Variants in ZFHX3 observed in about 807,000 individuals in gnomAD.
ZFHX3 encodes the protein zinc finger homeobox 3, also known as zinc finger homeobox protein 3.
Under a neutral mutation model 279.1 loss-of-function variants are expected in ZFHX3, and 42 were observed. The observed-to-expected ratio is 0.15, with a 90% CI of 0.12 to 0.19. ZFHX3 has a LOEUF of 0.19. Ranked by LOEUF, ZFHX3 falls within the 10% of genes least tolerant of loss-of-function variation. The probability of loss-of-function intolerance (pLI) is 1.00; values close to 1 mark genes in which losing one functional copy is unlikely to be tolerated. For missense variants in ZFHX3, 4,981 were observed against 4,754.0 expected (o/e 1.05, Z -1.40); for synonymous variants, 2,293 against 1,957.8 (o/e 1.17, Z -4.52).
chr16:73,601,926 G>C (rs2052122574), intron 2 of ZFHX3, among the ~76,000 whole-genome samples: 2 of 152,204 alleles, frequency 1.3e-5, no homozygotes, highest in African/African-American at 4.8e-5. Flanking sequence ...AACTTCAGGA[G>C]AGAGGAAGGG....
chr16:72,845,045 G>A (rs1054085911), intron 4 of ZFHX3, among the ~76,000 whole-genome samples: 4 of 152,192 alleles, frequency 2.6e-5, no homozygotes, highest in African/African-American at 4.8e-5. Context: ...TGAGGGGAAC[G>A]AGGGAGGCCC....
chr16:73,189,556 C>A (rs1443779507), intron 5 of ZFHX3, among the ~76,000 whole-genome samples: 1 of 152,172 alleles, frequency 6.6e-6, no homozygotes, highest in East Asian at 1.9e-4. Context: ...AAGATTGATT[C>A]TGAGGCAGAC....
intron 3 of ZFHX3, among the ~76,000 whole-genome samples, chr16:73,352,456 T>TTC (rs561312963): frequency 1.3e-4 from 18 of 134,376 alleles, no homozygotes; most frequent in East Asian, 3.9e-4. Flanking sequence ...AGCCTTTGGT[T>TTC]TCTCTCTCTC....
chr16:72,829,759 C>G lies in ZFHX3; in HGVS notation c.3529+20G>C. The G allele has an allele frequency of 6.2e-7, 1 of 1,614,064 alleles. No homozygotes were observed. Among genetic ancestry groups the G allele is most frequent in the Middle Eastern group, 1.7e-4 (1 of 6,042 alleles). On this transcript the variant is annotated intron_variant, in intron 5 of 9. Coordinates refer to ENST00000268489, the MANE Select transcript of ZFHX3 (RefSeq NM_006885.4). ...GACAGCCACACACACTACCTGTCCA[C>G]TTGCCCTGGTCTTTCTCACCTCCGC... is the stretch of plus-strand genomic sequence containing the variant.
At chr16:73,687,728 G>A (rs1431646177) in intron 1 of ZFHX3, among the ~76,000 whole-genome samples, 1 of 150,976 alleles carries the variant, frequency 6.6e-6, no homozygotes, top group East Asian at 2.0e-4. Context: ...CATGCCTGTA[G>A]TCCCAGCTAC....
intron 1 of ZFHX3, among the ~76,000 whole-genome samples, chr16:73,857,392 A>C (rs545211975): frequency 6.6e-6 from 1 of 152,348 alleles, no homozygotes; most frequent in African/African-American, 2.4e-5. Context: ...GTGATTGTTT[A>C]TAAAGACTCC....
chr16:73,390,753 T>C (rs1279966509), intron 3 of ZFHX3, among the ~76,000 whole-genome samples: 3 of 152,162 alleles, frequency 2.0e-5, no homozygotes, highest in East Asian at 1.9e-4. Flanking sequence ...CTTTCATCAA[T>C]GAAAGGAGAT....
intron 1 of ZFHX3, among the ~76,000 whole-genome samples, chr16:73,763,245 G>C (rs560202760): frequency 1.5e-4 from 23 of 152,278 alleles, no homozygotes; most frequent in African/African-American, 5.3e-4. Flanking sequence ...AGGCCTTGGA[G>C]AAGGCTGACA....
chr16:73,103,288 C>A (rs999532132), intron 7 of ZFHX3, among the ~76,000 whole-genome samples: 1 of 152,076 alleles, frequency 6.6e-6, no homozygotes, highest in African/African-American at 2.4e-5. Flanking sequence ...AAATCCTGGG[C>A]CGTGAGTATC....
At chr16:73,155,880 A>G (rs994465580) in intron 5 of ZFHX3, among the ~76,000 whole-genome samples, 1 of 152,024 alleles carries the variant, frequency 6.6e-6, no homozygotes, top group Admixed American at 6.6e-5. Context: ...GACACATGTC[A>G]TTATATATAG....
chr16:72,960,336 G>C, intron 1 of ZFHX3, 142 bp from the exon 2 acceptor site: 1 of 621,770 alleles, frequency 1.6e-6, no homozygotes, highest in Non-Finnish European at 2.5e-6. Context: ...ACACAGGGCG[G>C]AGGGCGGGCC....
Position 72,796,059 on chromosome 16 carries a change from G to T in ZFHX3, c.6623C>A (p.Pro2208His), listed in dbSNP as rs1286503363. The part of the protein sequence containing the change: ...FKERQRNKDS[P>H]YNFSNPPITS... Reference sequence around the variant, plus strand: ...GATAGGAGGATTACTGAAGTTGTAAGGGGAGTCCTTGTTACGCTGCCTCTC... The same window carrying T: ...GATAGGAGGATTACTGAAGTTGTAATGGGAGTCCTTGTTACGCTGCCTCTC... The change falls in exon 9 of 10, where the codon CCT becomes CAT. Residue 2208 changes from proline to histidine, a missense_variant. Physicochemically the swap from Pro to His is moderately conservative, Grantham distance 77 (BLOSUM62 -2). Coordinates refer to ENST00000268489, the MANE Select transcript of ZFHX3 (RefSeq NM_006885.4). The T allele has an allele frequency of 6.2e-7, 1 of 1,614,206 alleles. No homozygotes were observed. The highest frequency in any genetic ancestry group is 1.7e-5 in the Admixed American group (1 of 60,034).
At chr16:73,542,511 C>A (rs574105143) in intron 2 of ZFHX3, among the ~76,000 whole-genome samples, 1 of 152,054 alleles carries the variant, frequency 6.6e-6, no homozygotes, top group African/African-American at 2.4e-5. Context: ...TACAGGGTAA[C>A]CTCTCATTTT....
At chr16:73,350,601 G>A (rs2016221693) in intron 3 of ZFHX3, among the ~76,000 whole-genome samples, 1 of 152,240 alleles carries the variant, frequency 6.6e-6, no homozygotes, top group African/African-American at 2.4e-5. Context: ...AGACTCAACT[G>A]AGAGAGTTGG....
intron 2 of ZFHX3, among the ~76,000 whole-genome samples, chr16:73,616,618 A>T (rs2052304972): frequency 6.6e-6 from 1 of 151,988 alleles, no homozygotes; most frequent in Admixed American, 6.6e-5. Flanking sequence ...GTGTGTACAT[A>T]TATGCACATG....
At chr16:73,381,324 C>A (rs929516471) in intron 3 of ZFHX3, among the ~76,000 whole-genome samples, 1 of 151,964 alleles carries the variant, frequency 6.6e-6, no homozygotes, top group Admixed American at 6.6e-5. Flanking sequence ...ATCTTAGATT[C>A]TTTTGGTAGG....
chr16:73,858,685 A>G (rs1156600223), intron 1 of ZFHX3, among the ~76,000 whole-genome samples: 1 of 152,230 alleles, frequency 6.6e-6, no homozygotes, highest in Non-Finnish European at 1.5e-5. Flanking sequence ...TTCCACATAT[A>G]AAAACACAAA....
intron 3 of ZFHX3, among the ~76,000 whole-genome samples, chr16:73,365,248 C>T (rs997737962): frequency 2.6e-5 from 4 of 152,240 alleles, no homozygotes; most frequent in African/African-American, 9.6e-5. Flanking sequence ...CAATCACAGA[C>T]TTTTCTGCTT....
intron 2 of ZFHX3, among the ~76,000 whole-genome samples, chr16:73,584,701 G>T (rs191422097): frequency 6.6e-6 from 1 of 152,084 alleles, no homozygotes; most frequent in Non-Finnish European, 1.5e-5. Flanking sequence ...TGATGAAATC[G>T]CCAAAAGCAA....
Sources: allele counts gnomAD v4.1 joint callset (sites outside exome capture counted in the v4.1 genomes callset), GRCh38; gene constraint gnomAD v4.1.1; transcripts MANE v1.5; gene names NCBI Gene and HGNC (gene_info 2026-07-23, HGNC 2026-07-21).